Variants in PRELID2 observed in about 807,000 individuals in gnomAD.
The protein encoded by PRELID2 is PRELI domain-containing protein 2.
Under a neutral mutation model 28.4 loss-of-function variants are expected in PRELID2, and 25 were observed. The observed-to-expected ratio is 0.88, with a 90% CI of 0.64 to 1.23. The LOEUF (loss-of-function observed/expected upper bound fraction) is 1.23. Among genes scored for constraint, PRELID2 ranks in the 50% most tolerant of loss-of-function variants. The pLI, the probability that PRELID2 is intolerant of heterozygous loss-of-function variation, is 0.00. For missense variants in PRELID2, 201 were observed against 214.4 expected (o/e 0.94, Z 0.39); for synonymous variants, 76 against 71.6 (o/e 1.06, Z -0.31).
intron 1 of PRELID2, among the ~76,000 whole-genome samples, chr5:145,680,585 T>C (rs1474065927): frequency 1.3e-5 from 2 of 152,144 alleles, no homozygotes; most frequent in Non-Finnish European, 2.9e-5. Context: ...AATTTGTTAA[T>C]AGGGAAAAGT....
chr5:145,429,973 C>A, the PRELID2 span: 1 of 152,500 alleles, frequency 6.6e-6, no homozygotes, highest in Non-Finnish European at 1.5e-5. Context: ...ATCCCAGCAG[C>A]TGAACACAGA....
At chr5:145,502,682 GCCCAGTA>G (rs911852775) in intron 1 of PRELID2, among the ~76,000 whole-genome samples, 1 of 152,122 alleles carries the variant, frequency 6.6e-6, no homozygotes, top group African/African-American at 2.4e-5. Context: ...TCGGAGCTTA[GCCCAGTA>G]CCTGATACAT....
chr5:145,761,469 T>C (rs887963482), intron 6 of PRELID2, among the ~76,000 whole-genome samples: 5 of 152,202 alleles, frequency 3.3e-5, no homozygotes, highest in South Asian at 2.1e-4. Context: ...TTAGAGCTAA[T>C]GCAAGAAAAA....
the PRELID2 span, among the ~76,000 whole-genome samples, chr5:145,359,348 A>G: frequency 6.6e-6 from 1 of 152,162 alleles, no homozygotes; most frequent in Non-Finnish European, 1.5e-5. Context: ...ATAAGACTGA[A>G]CCACAGCCAT....
At chr5:145,765,058 AT>A in intron 5 of PRELID2, 58 bp from the exon 6 acceptor site, 2 of 1,181,826 alleles carry the variant, frequency 1.7e-6, no homozygotes, top group Non-Finnish European at 2.4e-6. Flanking sequence ...GTACTTTTAC[AT>A]TTATCACAAC....
At chr5:145,381,113 T>C in the PRELID2 span, among the ~76,000 whole-genome samples, 1 of 152,196 alleles carries the variant, frequency 6.6e-6, no homozygotes, top group South Asian at 2.1e-4. Flanking sequence ...AAAGCAATAA[T>C]TTAAAGGCCC....
intron 1 of PRELID2, among the ~76,000 whole-genome samples, chr5:145,524,938 T>C (rs1441357034): frequency 6.6e-6 from 1 of 152,204 alleles, no homozygotes; most frequent in Non-Finnish European, 1.5e-5. Flanking sequence ...CTCTGTTACA[T>C]AGGAAGAGTT....
intron 1 of PRELID2, among the ~76,000 whole-genome samples, chr5:145,488,119 G>A (rs1443411668): frequency 6.0e-5 from 5 of 82,722 alleles, no homozygotes; most frequent in Non-Finnish European, 6.7e-5. Flanking sequence ...GCGAGACTCT[G>A]TCTCAAAAAA....
intron 1 of PRELID2, among the ~76,000 whole-genome samples, chr5:145,595,948 A>G (rs1008547883): frequency 3.9e-5 from 6 of 152,048 alleles, no homozygotes; most frequent in Admixed American, 1.3e-4. Flanking sequence ...AGCCTTAGCC[A>G]GGTGTGGTGG....
chr5:145,662,944 C>T lies in PRELID2; in HGVS notation n.70+101987G>A, dbSNP rs1474531399. Among the ~76,000 whole-genome samples, 3 of 152,242 alleles carry T rather than the reference C, an allele frequency of 2.0e-5. No homozygotes were observed. The East Asian group carries it at 5.8e-4, about 29-fold the overall frequency. Reference sequence around the variant, plus strand: ...AGTCTTCAAACCAGAAGTACAGATTCTACACCTGTAATCGACAGTGAAAAT... The same window carrying T: ...AGTCTTCAAACCAGAAGTACAGATTTTACACCTGTAATCGACAGTGAAAAT... On this transcript the variant is annotated intron_variant and non_coding_transcript_variant, in intron 1 of 2. Transcript: ENST00000510259.
intron 4 of PRELID2, among the ~76,000 whole-genome samples, chr5:145,805,760 T>C (rs1753455311): frequency 1.3e-5 from 2 of 152,218 alleles, no homozygotes; most frequent in Admixed American, 6.5e-5. Flanking sequence ...CTAGATGGTA[T>C]AGCTTACTAC....
the PRELID2 span, among the ~76,000 whole-genome samples, chr5:145,302,969 C>T: frequency 6.6e-6 from 1 of 152,128 alleles, no homozygotes; most frequent in East Asian, 1.9e-4. Context: ...CACATATCTC[C>T]TCTACCTGAT....
chr5:145,704,005 C>G (rs1035101244), intron 1 of PRELID2: 1 of 152,206 alleles, frequency 6.6e-6, no homozygotes, highest in African/African-American at 2.4e-5. Flanking sequence ...GGTTCAGAAG[C>G]AGGTTTTGTG....
At chr5:145,289,876 G>A in the PRELID2 span, among the ~76,000 whole-genome samples, 2 of 152,168 alleles carry the variant, frequency 1.3e-5, no homozygotes, top group Non-Finnish European at 2.9e-5. Context: ...CTTTTCATAA[G>A]CTTATTTGGC....
At chr5:145,351,279 T>A in the PRELID2 span, among the ~76,000 whole-genome samples, 1 of 151,928 alleles carries the variant, frequency 6.6e-6, no homozygotes, top group Admixed American at 6.6e-5. Context: ...AGGAAAGAGG[T>A]TTAATTGACT....
At chr5:145,508,951 T>C (rs1022644620) in intron 1 of PRELID2, among the ~76,000 whole-genome samples, 4 of 152,200 alleles carry the variant, frequency 2.6e-5, no homozygotes, top group African/African-American at 9.7e-5. Context: ...TAGAGCAGAA[T>C]TGAAATACTG....
At chr5:145,332,881 G>T in the PRELID2 span, among the ~76,000 whole-genome samples, 1,805 of 152,166 alleles carry the variant, frequency 0.012, 38 homozygotes, top group African/African-American at 0.042. Flanking sequence ...TTTTTGCACT[G>T]GCTTATCCTC....
At chr5:145,800,985 G>T (rs989035851) in intron 4 of PRELID2, among the ~76,000 whole-genome samples, 11 of 152,104 alleles carry the variant, frequency 7.2e-5, no homozygotes, top group Non-Finnish European at 1.6e-4. Flanking sequence ...ATGGATGGAT[G>T]GACAGACGGA....
the PRELID2 span, among the ~76,000 whole-genome samples, chr5:145,460,215 C>T: frequency 6.6e-6 from 1 of 152,150 alleles, no homozygotes; most frequent in East Asian, 1.9e-4. Context: ...TTTCATGCCA[C>T]CTGGCCATAC....
Sources: gnomAD v4.1 joint callset for allele counts (sites outside exome capture counted in the v4.1 genomes callset) on GRCh38, gnomAD v4.1.1 for gene constraint, MANE v1.5 for transcripts, NCBI Gene and HGNC (gene_info 2026-07-23, HGNC 2026-07-21) for gene names.